Variants in TCEA2 observed in about 807,000 individuals in gnomAD.
The protein encoded by TCEA2 is transcription elongation factor A protein 2.
A neutral mutation model predicts 40.8 loss-of-function variants in TCEA2; 21 were observed. That is an observed-to-expected ratio of 0.51 (90% CI 0.36 to 0.74). The LOEUF (loss-of-function observed/expected upper bound fraction) is 0.74. TCEA2 is among the 30% of genes least tolerant of loss of function. TCEA2 has a pLI of 0.00. For missense variants in TCEA2, 326 were observed against 426.5 expected (o/e 0.76, Z 2.08); for synonymous variants, 165 against 162.7 (o/e 1.01, Z -0.11).
At chr20:64,056,557 T>TCCCCCAGGATC (rs58839607), upstream of TCEA2, among the ~76,000 whole-genome samples, 1 of 151,876 alleles carries the variant, frequency 6.6e-6, no homozygotes, top group Non-Finnish European at 1.5e-5. Context: ...GGCTGCAGGA[T>TCCCCCAGGATC]CCCCAGCCCC....
chr20:64,072,183 C>A lies in TCEA2; in HGVS notation c.*3C>A. 1 of 1,613,684 alleles carries A rather than the reference C, an allele frequency of 6.2e-7. No individual in the cohort carries two copies. The highest frequency in any genetic ancestry group is 1.7e-5 in the Admixed American group (1 of 59,992). On this transcript the variant is annotated 3_prime_UTR_variant, in exon 10 of 10. Coordinates refer to ENST00000343484, the MANE Select transcript of TCEA2 (RefSeq NM_003195.6). ...CCCCTTTCTCGCAGTTCTGCTGACC[C>A]CTCGTGTAGATGTGCTGCAGCCTTG...
rs1480346547 is a variant in TCEA2, at chr20:64,063,305, C to T, written c.-8C>T. ...GCGACGGGCGCGGGGGTCGCTGCTC[C>T]TGAGGCGATGATGGGCAAGGAAGAG... On this transcript the variant is annotated 5_prime_UTR_variant, in exon 1 of 10. Transcript: ENST00000343484. The T allele has an allele frequency of 1.3e-6, 2 of 1,538,246 alleles. No homozygotes were observed. Among genetic ancestry groups the T allele is most frequent in the African/African-American group, 2.8e-5 (2 of 71,200 alleles).
intron 6 of TCEA2, 149 bp from the exon 7 acceptor site, chr20:64,070,111 C>T: frequency 8.1e-7 from 1 of 1,233,050 alleles, no homozygotes; most frequent in South Asian, 1.4e-5. Flanking sequence ...CAGCCCTTCA[C>T]CTCTCCACCA....
At chr20:64,066,645 T>G in intron 2 of TCEA2, 107 bp downstream of exon 2, 46 of 1,248,084 alleles carry the variant, frequency 3.7e-5, no homozygotes, top group Non-Finnish European at 4.6e-5. Context: ...CACCAGGCCT[T>G]AGTTGGCACA....
chr20:64,067,479 G>A (rs542308505), intron 3 of TCEA2, among the ~76,000 whole-genome samples: 1 of 143,566 alleles, frequency 7.0e-6, no homozygotes, highest in Admixed American at 6.9e-5. Flanking sequence ...GGGAAGGGCT[G>A]GGCTGGGCTG....
intron 1 of TCEA2, chr20:64,066,211 C>A: frequency 2.6e-6 from 1 of 391,824 alleles, no homozygotes; most frequent in Non-Finnish European, 4.7e-6. Context: ...AGGTCATTGC[C>A]ACGGATGTGG....
At chr20:64,069,577 C>G in intron 5 of TCEA2, 86 bp downstream of exon 5, 1 of 1,563,694 alleles carries the variant, frequency 6.4e-7, no homozygotes, top group Non-Finnish European at 8.7e-7. Context: ...GGCCTGCTTC[C>G]AGCGGGGTGA....
upstream of TCEA2, among the ~76,000 whole-genome samples, chr20:64,055,779 C>T (rs150283379): frequency 0.012 from 1,798 of 152,228 alleles, 21 homozygotes; most frequent in Non-Finnish European, 0.018. The surrounding 1 kb of genome is among the most constrained non-coding windows in gnomAD (Gnocchi z 4.0). Flanking sequence ...AGGCAGGGGG[C>T]TCTGCTTCTG....
Position 64,069,458 on chromosome 20 carries a change from C to T in TCEA2, c.427C>T (p.Arg143Cys), listed in dbSNP as rs1339045486. 6.8e-6 allele frequency: 11 copies of T among 1,613,372 alleles called. No individual in the cohort carries two copies. The highest frequency in any genetic ancestry group is 2.2e-5 in the East Asian group (1 of 44,878). Residue 143 changes from arginine to cysteine, a missense_variant, in exon 5 of 10, where the codon CGC (arginine) becomes TGC (cysteine). Coordinates refer to ENST00000343484, the MANE Select transcript of TCEA2 (RefSeq NM_003195.6). ...CTGTGATGCCGTGCGCAACAAGTGC[C>T]GCGAGATGCTGACCGCTGCCCTGCA... ...VTCDAVRNKC[R>C]EMLTAALQTD...
In TCEA2 at chr20:64,067,680, C is replaced by T. The variant is rs73322880; in HGVS notation, c.242-367C>T. Among the ~76,000 whole-genome samples, 931 of 152,370 alleles carry T rather than the reference C, an allele frequency of 6.1e-3. 9 individuals carry two copies. Among genetic ancestry groups the T allele is most frequent in the African/African-American group, 0.022 (895 of 41,584 alleles). ...CCTGGTCCCCAGCCCTTGGGCCTGG[C>T]TCTGGGCTTTCAGGAAGAGCCTTCT... On this transcript the variant is annotated intron_variant, in intron 3 of 9. Coordinates refer to ENST00000343484, the MANE Select transcript of TCEA2 (RefSeq NM_003195.6).
intron 1 of TCEA2, among the ~76,000 whole-genome samples, chr20:64,065,043 G>T (rs1569247037): frequency 6.6e-6 from 1 of 152,086 alleles, no homozygotes; most frequent in Non-Finnish European, 1.5e-5. Flanking sequence ...GAGGAGGGGA[G>T]GCGGGCGCTG....
upstream of TCEA2, chr20:64,063,137 G>C (rs1182447502): frequency 7.5e-6 from 3 of 401,176 alleles, no homozygotes; most frequent in Non-Finnish European, 1.2e-5. Flanking sequence ...CGTGGACTAC[G>C]CATCCTAGGA....
chr20:64,068,997 T>C (rs2059761421), intron 4 of TCEA2, among the ~76,000 whole-genome samples: 1 of 152,256 alleles, frequency 6.6e-6, no homozygotes, highest in African/African-American at 2.4e-5. Context: ...AGAGTATTTG[T>C]GTTGCGGCCC....
chr20:64,058,487 A>G (rs2059503414), upstream of TCEA2, among the ~76,000 whole-genome samples: 2 of 152,128 alleles, frequency 1.3e-5, no homozygotes, highest in Non-Finnish European at 2.9e-5. The surrounding 1 kb of genome is among the most constrained non-coding windows in gnomAD (Gnocchi z 6.7). Context: ...GGGCCCCAGG[A>G]CGTAGAAGAC....
At chr20:64,070,711 C>A in intron 8 of TCEA2, 76 bp downstream of exon 8, 1 of 1,449,612 alleles carries the variant, frequency 6.9e-7, no homozygotes, top group South Asian at 1.5e-5. Flanking sequence ...GAGCCCATGC[C>A]TATTCCCGCC....
chr20:64,066,846 C>T lies in TCEA2; in HGVS notation c.136-69C>T. On this transcript the variant is annotated intron_variant, in intron 2 of 9. Transcript: ENST00000343484. Reference sequence around the variant, plus strand: ...TCCTGTCCTGTGGGGGCCACCAAGGCTCTGCCAGGAGAATCTGACCCCTAG... The same window carrying T: ...TCCTGTCCTGTGGGGGCCACCAAGGTTCTGCCAGGAGAATCTGACCCCTAG... 2.7e-6 allele frequency: 4 copies of T among 1,478,310 alleles called. No homozygotes were observed. The South Asian group carries it at 3.5e-5, about 13-fold the overall frequency. 91.6% of individuals were successfully genotyped at this position (1,478,310 alleles called of 1,614,324 possible). A position where few individuals can be genotyped will look rare whatever the true frequency, so the allele number is the denominator to read the frequency against.
chr20:64,069,491 C>A lies in TCEA2; in HGVS notation c.460C>A (p.His154Asn). The A allele has an allele frequency of 6.2e-7, 1 of 1,612,262 alleles. No homozygotes were observed. The highest frequency in any genetic ancestry group is 8.5e-7 in the Non-Finnish European group (1 of 1,179,560). ...GCTGACCGCTGCCCTGCAGACGGACCGTGAGTGCGGCCGGCCCTGGCTCCT... is the reference window on the plus strand; with the variant it reads ...GCTGACCGCTGCCCTGCAGACGGACAGTGAGTGCGGCCGGCCCTGGCTCCT... ...EMLTAALQTDHDHVAIGADCE... is the reference protein window; with the variant it reads ...EMLTAALQTDNDHVAIGADCE... The change falls in exon 5 of 10, where the codon CAT (histidine) becomes AAT (asparagine). Residue 154 changes from histidine to asparagine, a missense_variant and splice_region_variant. His to Asn is a moderately conservative substitution (Grantham distance 68). Transcript: ENST00000343484.
At chr20:64,066,846 C>A in intron 2 of TCEA2, 69 bp from the exon 3 acceptor site, 1 of 1,478,306 alleles carries the variant, frequency 6.8e-7, no homozygotes, top group Non-Finnish European at 9.3e-7. Flanking sequence ...GCCACCAAGG[C>A]TCTGCCAGGA....
In TCEA2 at chr20:64,072,289, C is replaced by T; in HGVS notation, c.*109C>T. The T allele has an allele frequency of 8.1e-7, 1 of 1,237,790 alleles. No homozygotes were observed. Among genetic ancestry groups the T allele is most frequent in the East Asian group, 2.4e-5 (1 of 42,244 alleles). 76.7% of individuals were successfully genotyped at this position (1,237,790 alleles called of 1,614,324 possible). The stretch of plus-strand genomic sequence containing the variant: ...GCGGCATGTCCTGCCCTCAACCTGC[C>T]TGCCTGGATTGCACCTTTCTGCCCT... On this transcript the variant is annotated 3_prime_UTR_variant, in exon 10 of 10. Transcript: ENST00000343484.
Sources: gnomAD v4.1 joint callset for allele counts (sites outside exome capture counted in the v4.1 genomes callset) on GRCh38, gnomAD v4.1.1 for gene constraint, Gnocchi (gnomAD v3.1) non-coding constraint, MANE v1.5 for transcripts, NCBI Gene and HGNC (gene_info 2026-07-23, HGNC 2026-07-21) for gene names.